ZNF559: variants seen among roughly 807,000 people sequenced by gnomAD.
The protein encoded by ZNF559 is putative protein product of Nbla00121.
A neutral mutation model predicts 14.2 loss-of-function variants in ZNF559; 17 were observed. That is an observed-to-expected ratio of 1.20 (90% CI 0.82 to 1.80). The LOEUF (loss-of-function observed/expected upper bound fraction) is 1.80, where lower values mean the gene tolerates loss of function less well. ZNF559 is among the 40% of genes most tolerant of loss of function. The pLI, the probability that ZNF559 is intolerant of heterozygous loss-of-function variation, is 0.00. For synonymous variants in ZNF559, 244 were observed against 212.4 expected (o/e 1.15, Z -1.29); for missense variants, 740 against 629.7 (o/e 1.18, Z -1.88).
At position 9,343,212 on chromosome 19, in the gene ZNF559, A is replaced by G. The variant is rs543945322; in HGVS notation, c.*144A>G. 7 of 1,467,068 alleles carry G rather than the reference A, an allele frequency of 4.8e-6. No homozygotes were observed. The highest frequency in any genetic ancestry group is 1.4e-5 in the African/African-American group (1 of 70,444). 90.9% of individuals were successfully genotyped at this position (1,467,068 alleles called of 1,614,324 possible). Reference sequence around the variant, plus strand: ...GGTGTCTCAGATCTTAACAATTCCAATAGAAGAGAAGACATATGAATGTAA... The same window carrying G: ...GGTGTCTCAGATCTTAACAATTCCAGTAGAAGAGAAGACATATGAATGTAA... On this transcript the variant is annotated 3_prime_UTR_variant, in exon 7 of 7. Transcript: ENST00000603380.
chr19:9,328,348 C>CTTTTTTTTTTT (rs904074002), intron 2 of ZNF559, among the ~76,000 whole-genome samples: 9 of 60,982 alleles, frequency 1.5e-4, no homozygotes, highest in African/African-American at 4.2e-4. Flanking sequence ...GCTTGTTTGT[C>CTTTTTTTTTTT]TTTTTTTTTT....
intron 2 of ZNF559, among the ~76,000 whole-genome samples, chr19:9,325,858 A>G (rs200121251): frequency 1.3e-5 from 2 of 151,346 alleles, no homozygotes; most frequent in East Asian, 1.9e-4. Flanking sequence ...ATTTTTTTGT[A>G]TATGTACTTT....
intron 2 of ZNF559, among the ~76,000 whole-genome samples, chr19:9,336,605 C>CA (rs1372819887): frequency 4.4e-4 from 66 of 149,712 alleles, no homozygotes; most frequent in Non-Finnish European, 6.6e-4. Flanking sequence ...AAAAAAAAAA[C>CA]AAAAAAAAAC....
intron 5 of ZNF559, among the ~76,000 whole-genome samples, chr19:9,340,028 C>T (rs1231099227): frequency 1.3e-5 from 2 of 150,020 alleles, no homozygotes; most frequent in South Asian, 2.1e-4. Flanking sequence ...CCTTGTGATC[C>T]GCCCACCTCG....
rs548733497 is a variant in ZNF559, at chr19:9,345,709, G to C, written c.*2641G>C. On this transcript the variant is annotated 3_prime_UTR_variant, in exon 7 of 7. Coordinates refer to ENST00000603380, the MANE Select transcript of ZNF559 (RefSeq NM_032497.3). ...TACTCTGTCTCCCAGGCTGAAGTGC[G>C]TGGCACGATCATGTGGTTTTGCAAT... 1.3e-5 allele frequency: 2 copies of C among 151,014 alleles called. No individual in the cohort carries two copies. The highest frequency in any genetic ancestry group is 2.9e-5 in the Non-Finnish European group (2 of 67,800). The allele number at this position is 151,014 out of a possible 1,614,324, so 9.4% of individuals were successfully genotyped here.
chr19:9,324,940 C>T lies in ZNF559; in HGVS notation c.-120+160C>T, dbSNP rs117079829. Among the ~76,000 whole-genome samples the T allele has an allele frequency of 1.1e-4, 17 of 152,256 alleles. No individual in the cohort carries two copies. In the East Asian group the frequency reaches 3.1e-3, roughly 28 times the overall value. ...TGAATGCACATAACTGTAAAATTTA[C>T]CACCAAGGAAAAACACAGGACTACT... On this transcript the variant is annotated intron_variant, in intron 2 of 6. Transcript: ENST00000603380.
intron 2 of ZNF559, among the ~76,000 whole-genome samples, chr19:9,325,004 G>C (rs893627006): frequency 3.9e-5 from 6 of 152,182 alleles, no homozygotes; most frequent in African/African-American, 1.4e-4. Flanking sequence ...TCTCACTCTA[G>C]CGCCCTGTAG....
In ZNF559 at chr19:9,345,401, T is replaced by C. The variant is rs1193663241; in HGVS notation, c.*2333T>C. 1 of 152,226 alleles carries C rather than the reference T, an allele frequency of 6.6e-6. No individual in the cohort carries two copies. The highest frequency in any genetic ancestry group is 1.5e-5 in the Non-Finnish European group (1 of 68,034). 9.4% of individuals were successfully genotyped at this position (152,226 alleles called of 1,614,324 possible). A position where few individuals can be genotyped will look rare whatever the true frequency, so the allele number is the denominator to read the frequency against. On this transcript the variant is annotated 3_prime_UTR_variant, in exon 7 of 7. Transcript: ENST00000603380. ...AACCTTTCTCAAGTAGTTATGCCAT[T>C]TGACATTTCCATGAGCAGTATATAA... is the stretch of plus-strand genomic sequence containing the variant.
intron 4 of ZNF559, 24 bp downstream of exon 4, chr19:9,338,606 G>A: frequency 1.3e-6 from 2 of 1,563,706 alleles, no homozygotes; most frequent in Non-Finnish European, 1.8e-6. Flanking sequence ...TGCTTTTTCT[G>A]TAGAAGCATA....
At position 9,343,093 on chromosome 19, in the gene ZNF559, T is replaced by C. The variant is rs2067654528; in HGVS notation, c.*25T>C. The stretch of plus-strand genomic sequence containing the variant: ...AATTGGGGCTGATACTTGGAAAGAA[T>C]GTGGTAAAGCCACTACTTCCTCACA... On this transcript the variant is annotated 3_prime_UTR_variant, in exon 7 of 7. Transcript: ENST00000603380. The C allele has an allele frequency of 1.3e-6, 2 of 1,588,188 alleles. No individual in the cohort carries two copies. Among genetic ancestry groups the C allele is most frequent in the Non-Finnish European group, 1.7e-6 (2 of 1,169,506 alleles).
rs200764389 is a variant in ZNF559, at chr19:9,341,804, C to A, written c.353C>A (p.Thr118Asn). 9 of 1,609,716 alleles carry A rather than the reference C, an allele frequency of 5.6e-6. No individual in the cohort carries two copies. The highest frequency in any genetic ancestry group is 7.6e-6 in the Non-Finnish European group (9 of 1,178,896). The change falls in exon 7 of 7, where the codon ACC becomes AAC. Residue 118 changes from threonine (T) to asparagine (N), a missense_variant. Coordinates refer to ENST00000603380, the MANE Select transcript of ZNF559 (RefSeq NM_032497.3). ...AGGAGAACTTACTTTAGAAAGAAAA[C>A]CTGTGAGTGTAATCAATGTGAAAAA... ...THRRTYFRKK[T>N]CECNQCEKAF...
At chr19:9,338,445 G>A in intron 3 of ZNF559, 49 bp from the exon 4 acceptor site, 2 of 1,423,544 alleles carry the variant, frequency 1.4e-6, no homozygotes, top group Non-Finnish European at 2.0e-6. Context: ...TTGTGAGTAT[G>A]GAAGCTATCA....
At chr19:9,326,105 A>ATTTTTTTTT (rs71183701) in intron 2 of ZNF559, among the ~76,000 whole-genome samples, 1 of 73,696 alleles carries the variant, frequency 1.4e-5, no homozygotes, top group African/African-American at 4.9e-5. Flanking sequence ...TATTCACCTG[A>ATTTTTTTTT]TTTTTTTTTT....
chr19:9,324,960 A>G (rs2066496504), intron 2 of ZNF559, among the ~76,000 whole-genome samples, 180 bp downstream of exon 2: 1 of 152,176 alleles, frequency 6.6e-6, no homozygotes, highest in Admixed American at 6.5e-5. Flanking sequence ...AAAACACAGG[A>G]CTACTCAACT....
chr19:9,344,509 T>C lies in ZNF559; in HGVS notation c.*1441T>C, dbSNP rs1340498075. 1 of 152,118 alleles carries C rather than the reference T, an allele frequency of 6.6e-6. No homozygotes were observed. The highest frequency in any genetic ancestry group is 1.5e-5 in the Non-Finnish European group (1 of 68,050). 9.4% of individuals were successfully genotyped at this position (152,118 alleles called of 1,614,324 possible). A position where few individuals can be genotyped will look rare whatever the true frequency, so the allele number is the denominator to read the frequency against. Reference sequence around the variant, plus strand: ...AATAAATAAGATTAACTGGGTGTACTGGTTTGTGCCTATAGTCCCAGCTAT... The same window carrying C: ...AATAAATAAGATTAACTGGGTGTACCGGTTTGTGCCTATAGTCCCAGCTAT... On this transcript the variant is annotated 3_prime_UTR_variant, in exon 7 of 7. Coordinates refer to ENST00000603380, the MANE Select transcript of ZNF559 (RefSeq NM_032497.3).
intron 2 of ZNF559, among the ~76,000 whole-genome samples, chr19:9,328,205 T>C (rs2066734553): frequency 6.6e-6 from 1 of 152,134 alleles, no homozygotes; most frequent in East Asian, 1.9e-4. Flanking sequence ...CTAGTATTAC[T>C]ACCATTACTT....
chr19:9,345,229 C>T lies in ZNF559; in HGVS notation c.*2161C>T, dbSNP rs541000644. On this transcript the variant is annotated 3_prime_UTR_variant, in exon 7 of 7. Coordinates refer to ENST00000603380, the MANE Select transcript of ZNF559 (RefSeq NM_032497.3). Reference sequence around the variant, plus strand: ...CAAGCTATTTATCCATGTGTTATTTCTACCTTTTGGCTATTGCAATTAAAA... The same window carrying T: ...CAAGCTATTTATCCATGTGTTATTTTTACCTTTTGGCTATTGCAATTAAAA... The T allele has an allele frequency of 6.6e-6, 1 of 152,304 alleles. No individual in the cohort carries two copies. Among genetic ancestry groups the T allele is most frequent in the South Asian group, 2.1e-4 (1 of 4,832 alleles). The allele number at this position is 152,304 out of a possible 1,614,324, so 9.4% of individuals were successfully genotyped here.
intron 3 of ZNF559, among the ~76,000 whole-genome samples, 198 bp from the exon 4 acceptor site, chr19:9,338,296 A>G (rs932336182): frequency 1.3e-5 from 2 of 152,120 alleles, no homozygotes; most frequent in African/African-American, 2.4e-5. Flanking sequence ...TCCTTATAAA[A>G]TGGGATTGTT....
Position 9,343,895 on chromosome 19 carries a change from A to T in ZNF559, c.*827A>T, listed in dbSNP as rs2067675566. On this transcript the variant is annotated 3_prime_UTR_variant, in exon 7 of 7. Transcript: ENST00000603380. ...ACGGTTACAGATGGAACTCTTTATT[A>T]TTGAGGAGTTCCACTCTTTCCCCCA... 1.2e-6 allele frequency: 1 copy of T among 803,266 alleles called. No homozygotes were observed. Among genetic ancestry groups the T allele is most frequent in the Non-Finnish European group, 1.5e-6 (1 of 664,208 alleles). 49.8% of individuals were successfully genotyped at this position (803,266 alleles called of 1,614,324 possible).
Sources: gnomAD v4.1 joint callset for allele counts (sites outside exome capture counted in the v4.1 genomes callset) on GRCh38, gnomAD v4.1.1 for gene constraint, MANE v1.5 for transcripts, NCBI Gene and HGNC (gene_info 2026-07-23, HGNC 2026-07-21) for gene names.